ADAMTS5: variants seen among roughly 807,000 people sequenced by gnomAD.
ADAMTS5 encodes A disintegrin and metalloproteinase with thrombospondin motifs 5.
ADAMTS5 carries 54 observed loss-of-function variants against 81.4 expected under a neutral mutation model. The ratio of observed to expected loss-of-function variants is 0.66; its 90% CI spans 0.53 to 0.83. The LOEUF is 0.83. Ranked by LOEUF, ADAMTS5 falls within the 40% of genes least tolerant of loss-of-function variation. The probability of loss-of-function intolerance (pLI) is 0.00; values close to 1 mark genes in which losing one functional copy is unlikely to be tolerated. For missense variants in ADAMTS5, 1,194 were observed against 1,229.9 expected (o/e 0.97, Z 0.44); for synonymous variants, 532 against 508.8 (o/e 1.05, Z -0.61).
chr21:26,943,187 T>C (rs993028393), intron 3 of ADAMTS5, among the ~76,000 whole-genome samples, 193 bp downstream of exon 3: 2 of 152,202 alleles, frequency 1.3e-5, no homozygotes, highest in Non-Finnish European at 2.9e-5. Flanking sequence ...CAAAATACCA[T>C]AGCTAAAATG....
chr21:26,961,441 T>A (rs1053061030), intron 1 of ADAMTS5, among the ~76,000 whole-genome samples: 33 of 152,246 alleles, frequency 2.2e-4, no homozygotes, highest in African/African-American at 8.0e-4. Flanking sequence ...AGACTTTGTT[T>A]ATATCTCAGT....
intron 1 of ADAMTS5, among the ~76,000 whole-genome samples, chr21:26,964,200 G>A (rs1987588975): frequency 6.6e-6 from 1 of 152,116 alleles, no homozygotes; most frequent in Non-Finnish European, 1.5e-5. Context: ...ATTCTTACCA[G>A]GCATTTAAGA....
rs561674791 is a variant in ADAMTS5, at chr21:26,934,101, C to T, written c.1689+365G>A. On this transcript the variant is annotated intron_variant, in intron 4 of 7. Transcript: ENST00000284987. ...ACCACATGTATCGGCTCTGCTATTA[C>T]CTCCTTACTGAATTTAAATACTTAT... 2.0e-5 allele frequency among the ~76,000 whole-genome samples: 3 copies of T among 152,280 alleles called. No homozygotes were observed. In the South Asian group the frequency reaches 6.2e-4, roughly 32 times the overall value.
intron 2 of ADAMTS5, among the ~76,000 whole-genome samples, chr21:26,949,179 T>TCA (rs1242228902): frequency 6.8e-6 from 1 of 148,138 alleles, no homozygotes; most frequent in Non-Finnish European, 1.5e-5. Context: ...TATATATATA[T>TCA]CACACATATA....
chr21:26,924,401 A>T lies in ADAMTS5; in HGVS notation c.2445T>A (p.Asp815Glu). ...VMNYSGWSHR[D>E]DFLHGMGYSA... is the part of the protein sequence containing the mutation. ...AGTAGCCCATGCCATGCAGGAAGTCATCCCTGTGGCTCCAACCGCTATAGT... is the reference window on the plus strand; with the variant it reads ...AGTAGCCCATGCCATGCAGGAAGTCTTCCCTGTGGCTCCAACCGCTATAGT... Residue 815 changes from aspartate to glutamate, a missense_variant, in exon 8 of 8, where the codon GAT (aspartate) becomes GAA (glutamate). Transcript: ENST00000284987. 6.2e-7 allele frequency: 1 copy of T among 1,614,114 alleles called. No individual in the cohort carries two copies. The highest frequency in any genetic ancestry group is 8.5e-7 in the Non-Finnish European group (1 of 1,179,912).
In ADAMTS5 at chr21:26,921,788, A is replaced by G. The variant is rs1261715477; in HGVS notation, c.*2265T>C. 6.6e-6 allele frequency: 1 copy of G among 152,486 alleles called. No individual in the cohort carries two copies. Among genetic ancestry groups the G allele is most frequent in the African/African-American group, 2.4e-5 (1 of 41,444 alleles). 9.4% of individuals were successfully genotyped at this position (152,486 alleles called of 1,614,324 possible). On this transcript the variant is annotated 3_prime_UTR_variant, in exon 8 of 8. Transcript: ENST00000284987. ...CTCTGAGCTCTCTAGGATTGTTTCC[A>G]TGACAGGTGTAAACCATCACTATTT...
intron 3 of ADAMTS5, among the ~76,000 whole-genome samples, chr21:26,940,291 G>A (rs986102427): frequency 2.0e-5 from 3 of 152,138 alleles, no homozygotes; most frequent in African/African-American, 7.2e-5. Flanking sequence ...CAGATTACCT[G>A]CTTAAAAATA....
intron 3 of ADAMTS5, among the ~76,000 whole-genome samples, chr21:26,938,677 G>A (rs1000531302): frequency 6.6e-6 from 1 of 152,098 alleles, no homozygotes; most frequent in Non-Finnish European, 1.5e-5. Flanking sequence ...TTACAGGCAT[G>A]CGCCAACATG....
Position 26,922,710 on chromosome 21 carries a change from T to C in ADAMTS5, c.*1343A>G, listed in dbSNP as rs1196122811. 6.6e-6 allele frequency: 1 copy of C among 152,522 alleles called. No individual in the cohort carries two copies. The highest frequency in any genetic ancestry group is 6.5e-5 in the Admixed American group (1 of 15,274). The allele number at this position is 152,522 out of a possible 1,614,324, so 9.4% of individuals were successfully genotyped here. On this transcript the variant is annotated 3_prime_UTR_variant, in exon 8 of 8. Coordinates refer to ENST00000284987, the MANE Select transcript of ADAMTS5 (RefSeq NM_007038.5). ...GCTATGGAAACAAAAACAACAACTT[T>C]CTGAAAATCATCACATGTCATCACT... is the stretch of plus-strand genomic sequence containing the variant.
chr21:26,953,392 C>T (rs1398105204), intron 2 of ADAMTS5, among the ~76,000 whole-genome samples: 2 of 152,128 alleles, frequency 1.3e-5, no homozygotes, highest in African/African-American at 2.4e-5. Flanking sequence ...AGGTAAGAAA[C>T]GTGTCAGGAA....
rs1986912673 is a variant in ADAMTS5, at chr21:26,931,820, A to C, written c.2049+184T>G. Among the ~76,000 whole-genome samples, 3 of 152,242 alleles carry C rather than the reference A, an allele frequency of 2.0e-5. No homozygotes were observed. The South Asian group carries it at 6.2e-4, about 31-fold the overall frequency. On this transcript the variant is annotated intron_variant, in intron 6 of 7. Coordinates refer to ENST00000284987, the MANE Select transcript of ADAMTS5 (RefSeq NM_007038.5). ...AAACATTTACTTGTTCTGTTTATAA[A>C]ATAATTTTTATTCATTGTGTAAAGT...
At chr21:26,933,117 C>T in intron 4 of ADAMTS5, 73 bp from the exon 5 acceptor site, 3 of 1,454,230 alleles carry the variant, frequency 2.1e-6, no homozygotes, top group Non-Finnish European at 2.8e-6. Context: ...TGGAAATCAC[C>T]TGCATTTAAT....
intron 2 of ADAMTS5, among the ~76,000 whole-genome samples, chr21:26,952,972 G>A (rs1462030187): frequency 2.6e-5 from 4 of 152,226 alleles, no homozygotes; most frequent in Non-Finnish European, 5.9e-5. Flanking sequence ...CGCTTACGCA[G>A]TCAAGCACAT....
At chr21:26,964,184 A>C (rs918885757) in intron 1 of ADAMTS5, among the ~76,000 whole-genome samples, 2 of 152,168 alleles carry the variant, frequency 1.3e-5, no homozygotes, top group African/African-American at 4.8e-5. Context: ...TGAGCTTTAG[A>C]AGTCAATTCT....
chr21:26,926,498 C>A (rs1244638263), intron 7 of ADAMTS5, among the ~76,000 whole-genome samples: 2 of 152,122 alleles, frequency 1.3e-5, no homozygotes, highest in Admixed American at 1.3e-4. Flanking sequence ...CATAGGGAAA[C>A]CCTGTCTGTA....
At chr21:26,956,928 C>G (rs76465378) in intron 1 of ADAMTS5, among the ~76,000 whole-genome samples, 2 of 152,134 alleles carry the variant, frequency 1.3e-5, no homozygotes, top group East Asian at 3.9e-4. Context: ...CCTTTTGCCA[C>G]GGAAATGTGA....
At chr21:26,945,150 GAA>G (rs11303368) in intron 2 of ADAMTS5, among the ~76,000 whole-genome samples, 62 of 139,266 alleles carry the variant, frequency 4.5e-4, no homozygotes, top group Middle Eastern at 4.1e-3. Flanking sequence ...ACAGCTCACA[GAA>G]AAAAAAAAAA....
chr21:26,946,126 C>T (rs1401267900), intron 2 of ADAMTS5, among the ~76,000 whole-genome samples: 1 of 152,000 alleles, frequency 6.6e-6, no homozygotes, highest in African/African-American at 2.4e-5. Context: ...CAGGGCATGG[C>T]GAGAGAACCG....
chr21:26,924,539 A>T lies in ADAMTS5; in HGVS notation c.2307T>A (p.Thr769=). The change falls in exon 8 of 8, where the codon ACT becomes ACA. Residue 769 remains threonine, a synonymous_variant. Transcript: ENST00000284987. Reference sequence around the variant, plus strand: ...TCAGGGCTAAATAGGCAGTGAATCTAGTCTGGTCTTTGGCTTTGAACTGTC... The same window carrying T: ...TCAGGGCTAAATAGGCAGTGAATCTTGTCTGGTCTTTGGCTTTGAACTGTC... ...KVRQFKAKDQ[T]RFTAYLALKK... is the part of the protein sequence containing the mutation. 1 of 1,614,144 alleles carries T rather than the reference A, an allele frequency of 6.2e-7. No individual in the cohort carries two copies. Among genetic ancestry groups the T allele is most frequent in the Non-Finnish European group, 8.5e-7 (1 of 1,180,022 alleles).
Sources: allele counts gnomAD v4.1 joint callset (sites outside exome capture counted in the v4.1 genomes callset), GRCh38; gene constraint gnomAD v4.1.1; transcripts MANE v1.5; gene names NCBI Gene and HGNC (gene_info 2026-07-23, HGNC 2026-07-21).